UNC13B: variants seen among roughly 807,000 people sequenced by gnomAD.
UNC13B encodes protein unc-13 homolog B.
A neutral mutation model predicts 211.0 loss-of-function variants in UNC13B; 144 were observed. The ratio of observed to expected loss-of-function variants is 0.68; its 90% CI spans 0.60 to 0.78. The LOEUF (loss-of-function observed/expected upper bound fraction) is 0.78, where lower values mean the gene tolerates loss of function less well. Among genes scored for constraint, UNC13B ranks in the 30% least tolerant of loss-of-function variants. The probability of loss-of-function intolerance (pLI) is 0.00; values close to 1 mark genes in which losing one functional copy is unlikely to be tolerated. For synonymous variants in UNC13B, 709 were observed against 725.8 expected, an observed-to-expected ratio of 0.98 and a Z score of 0.37; for missense variants, 1,777 against 2,002.0, an observed-to-expected ratio of 0.89 and a Z score of 2.14.
chr9:35,268,763 G>C (rs1250639554), intron 7 of UNC13B, among the ~76,000 whole-genome samples: 4 of 152,112 alleles, frequency 2.6e-5, no homozygotes, highest in African/African-American at 9.7e-5. Context: ...AGATCTCTTT[G>C]TTGCAAAGAT....
At chr9:35,322,346 G>A (rs1830779869) in intron 11 of UNC13B, among the ~76,000 whole-genome samples, 1 of 152,156 alleles carries the variant, frequency 6.6e-6, no homozygotes, top group African/African-American at 2.4e-5. Flanking sequence ...TGCGGTGGCA[G>A]CGGGTGGGTG....
At chr9:35,259,670 A>G (rs1419120844) in intron 7 of UNC13B, among the ~76,000 whole-genome samples, 1 of 150,260 alleles carries the variant, frequency 6.7e-6, no homozygotes, top group African/African-American at 2.4e-5. Flanking sequence ...CGTTTTTGGT[A>G]TATTGTTACC....
At chr9:35,210,883 C>G (rs1823929860) in intron 1 of UNC13B, among the ~76,000 whole-genome samples, 1 of 152,000 alleles carries the variant, frequency 6.6e-6, no homozygotes, top group African/African-American at 2.4e-5. Context: ...TCTTGCAATG[C>G]CCCATAGAAG....
In UNC13B at chr9:35,241,123, A is replaced by G. The variant is rs556696964; in HGVS notation, c.395-2168A>G. ...GGTGAATTATTGTGTGTTGGTGGGCATGTCACTAAGTATTTACATATGTTA... is the reference window on the plus strand; with the variant it reads ...GGTGAATTATTGTGTGTTGGTGGGCGTGTCACTAAGTATTTACATATGTTA... On this transcript the variant is annotated intron_variant, in intron 5 of 39. Coordinates refer to ENST00000635942, the MANE Select transcript of UNC13B (RefSeq NM_001371189.2). Among the ~76,000 whole-genome samples, 7 of 151,826 alleles carry G rather than the reference A, an allele frequency of 4.6e-5. No homozygotes were observed. In the South Asian group the frequency reaches 1.5e-3, roughly 32 times the overall value.
intron 6 of UNC13B, among the ~76,000 whole-genome samples, chr9:35,247,504 T>C (rs1474224504): frequency 6.6e-6 from 1 of 152,114 alleles, no homozygotes; most frequent in African/African-American, 2.4e-5. Context: ...CATAGATAGC[T>C]CTTATTATTT....
At chr9:35,371,877 A>G (rs772586991) in intron 13 of UNC13B, 3 of 152,614 alleles carry the variant, frequency 2.0e-5, no homozygotes, top group African/African-American at 7.2e-5. Context: ...GAAAGTTTTC[A>G]TGCCCTTTCG....
rs1262196324 is a variant in UNC13B, at chr9:35,305,285, G to T, written c.5881G>T (p.Gly1961Cys). 1 of 398,770 alleles carries T rather than the reference G, an allele frequency of 2.5e-6. No homozygotes were observed. Among genetic ancestry groups the T allele is most frequent in the Non-Finnish European group, 4.4e-6 (1 of 225,988 alleles). The allele number at this position is 398,770 out of a possible 1,614,324, so 24.7% of individuals were successfully genotyped here. Residue 1961 changes from glycine (G) to cysteine (C), a missense_variant, in exon 9 of 40, where the codon GGT becomes TGT. By Grantham distance (159) the Gly-to-Cys change is radical. Transcript: ENST00000635942. Reference sequence around the variant, plus strand: ...AGGATCACCAAACTTAGAAAAGATTGGTGATACAAATGTCAAGATACCACC... The same window carrying T: ...AGGATCACCAAACTTAGAAAAGATTTGTGATACAAATGTCAAGATACCACC... ...KEGSPNLEKI[G>C]DTNVKIPPQE...
intron 1 of UNC13B, among the ~76,000 whole-genome samples, chr9:35,185,540 C>G (rs991957352): frequency 6.6e-6 from 1 of 152,208 alleles, no homozygotes; most frequent in Non-Finnish European, 1.5e-5. Flanking sequence ...GTTCTTCCAA[C>G]CCCGAGCTTC....
At chr9:35,219,689 A>G (rs1824464125) in intron 1 of UNC13B, among the ~76,000 whole-genome samples, 1 of 152,058 alleles carries the variant, frequency 6.6e-6, no homozygotes, top group Non-Finnish European at 1.5e-5. Context: ...AACAGAGAAT[A>G]ATATATTGCA....
At position 35,305,687 on chromosome 9, in the gene UNC13B, A is replaced by C. The variant is rs746386601; in HGVS notation, c.6283A>C (p.Lys2095Gln). 5.0e-6 allele frequency: 2 copies of C among 398,914 alleles called. No individual in the cohort carries two copies. Among genetic ancestry groups the C allele is most frequent in the Admixed American group, 4.4e-5 (1 of 22,720 alleles). The allele number at this position is 398,914 out of a possible 1,614,324, so 24.7% of individuals were successfully genotyped here. Residue 2095 changes from lysine to glutamine, a missense_variant, in exon 9 of 40, where the codon AAA (lysine) becomes CAA (glutamine). Physicochemically the swap from Lys to Gln is moderately conservative, Grantham distance 53. Coordinates refer to ENST00000635942, the MANE Select transcript of UNC13B (RefSeq NM_001371189.2). The stretch of plus-strand genomic sequence containing the variant: ...TTCATCTTTTTCAACAAGTAGTCTC[A>C]AAGAGTCTTCCAGGGAGTCTTCAGT... ...PNSSFSTSSL[K>Q]ESSRESSVET...
chr9:35,237,620 A>T (rs2131534064), intron 4 of UNC13B, 83 bp from the exon 5 acceptor site: 1 of 1,566,278 alleles, frequency 6.4e-7, no homozygotes, highest in East Asian at 2.3e-5. Context: ...TCAAACAAGG[A>T]ACTTCAGAGA....
intron 11 of UNC13B, among the ~76,000 whole-genome samples, chr9:35,345,828 C>T (rs1680747493): frequency 6.6e-6 from 1 of 152,290 alleles, no homozygotes. Context: ...ATATGCCCTC[C>T]CTCTGAAGGC....
At chr9:35,270,229 G>A (rs1182249626) in intron 7 of UNC13B, among the ~76,000 whole-genome samples, 1 of 152,032 alleles carries the variant, frequency 6.6e-6, no homozygotes, top group African/African-American at 2.4e-5. Context: ...CTCTTTGGAT[G>A]GAACTAGGGA....
chr9:35,237,601 C>T (rs1178624247), intron 4 of UNC13B, 102 bp from the exon 5 acceptor site: 2 of 1,492,240 alleles, frequency 1.3e-6, no homozygotes, highest in African/African-American at 2.8e-5. Flanking sequence ...GTGAATGGCC[C>T]TCAGAAGCTC....
chr9:35,384,178 T>G (rs1053870144), intron 21 of UNC13B, 68 bp from the exon 22 acceptor site: 7 of 1,604,182 alleles, frequency 4.4e-6, no homozygotes, highest in Non-Finnish European at 5.1e-6. Flanking sequence ...GTTCTGTTTC[T>G]GTTATAGTTT....
intron 1 of UNC13B, among the ~76,000 whole-genome samples, chr9:35,224,302 G>A (rs1339468599): frequency 6.6e-6 from 1 of 152,054 alleles, no homozygotes; most frequent in Non-Finnish European, 1.5e-5. Flanking sequence ...CCATTTGTTT[G>A]TGTTCTCTTC....
chr9:35,362,755 G>T (rs181632849), intron 11 of UNC13B, among the ~76,000 whole-genome samples: 1 of 145,244 alleles, frequency 6.9e-6, no homozygotes, highest in South Asian at 2.2e-4. Context: ...AGCCGAGATC[G>T]CACCACTGCA....
At position 35,306,061 on chromosome 9, in the gene UNC13B, G is replaced by A. The variant is rs538200613; in HGVS notation, c.6657G>A (p.Leu2219=). Residue 2219 remains leucine, a synonymous_variant, in exon 9 of 40, where the codon TTG becomes TTA. Transcript: ENST00000635942. ...GTTCTACTTTTAGTTTCTTCAGCTT[G>A]TCCTTTTTGGATCAAAAAAAGGAGA... ...HSSSTFSFFS[L]SFLDQKKETS... 5.0e-6 allele frequency: 2 copies of A among 398,910 alleles called. No homozygotes were observed. The highest frequency in any genetic ancestry group is 8.8e-5 in the Admixed American group (2 of 22,728). The allele number at this position is 398,910 out of a possible 1,614,324, so 24.7% of individuals were successfully genotyped here.
chr9:35,309,109 T>A (rs1233568545), intron 9 of UNC13B, among the ~76,000 whole-genome samples: 6 of 152,130 alleles, frequency 3.9e-5, no homozygotes, highest in African/African-American at 1.4e-4. Flanking sequence ...GTGTACAGGA[T>A]CTATCTGCAG....
Sources: gnomAD v4.1 joint callset for allele counts (sites outside exome capture counted in the v4.1 genomes callset) on GRCh38, gnomAD v4.1.1 for gene constraint, MANE v1.5 for transcripts, NCBI Gene and HGNC (gene_info 2026-07-23, HGNC 2026-07-21) for gene names.